WDR86: variants seen among roughly 807,000 people sequenced by gnomAD.
The protein encoded by WDR86 is WD repeat domain 86, also known as WD repeat-containing protein 86.
A neutral mutation model predicts 36.5 loss-of-function variants in WDR86; 30 were observed. The observed-to-expected ratio is 0.82, with a 90% CI of 0.61 to 1.11. WDR86 has a LOEUF of 1.11. Ranked by LOEUF, WDR86 falls within the 50% of genes most tolerant of loss-of-function variation. The probability of loss-of-function intolerance (pLI) is 0.00; values close to 1 mark genes in which losing one functional copy is unlikely to be tolerated. For synonymous variants in WDR86, 255 were observed against 252.9 expected, an observed-to-expected ratio of 1.01 and a Z score of -0.08; for missense variants, 545 against 561.2, an observed-to-expected ratio of 0.97 and a Z score of 0.29.
intron 3 of WDR86, among the ~76,000 whole-genome samples, chr7:151,386,528 T>A (rs1356146508): frequency 6.6e-6 from 1 of 152,158 alleles, no homozygotes; most frequent in East Asian, 1.9e-4. Context: ...CCTAACTGGA[T>A]GGTCCCCTCC....
downstream of WDR86, among the ~76,000 whole-genome samples, chr7:151,375,010 T>C (rs576691695): frequency 6.8e-3 from 607 of 89,332 alleles, 7 homozygotes; most frequent in African/African-American, 0.024. Flanking sequence ...GTTGTGCACG[T>C]GCTGGGGGCG....
intron 3 of WDR86, among the ~76,000 whole-genome samples, chr7:151,393,543 C>G (rs554851579): frequency 5.9e-5 from 9 of 152,136 alleles, no homozygotes; most frequent in Non-Finnish European, 1.2e-4. Flanking sequence ...TGGCCAGTGG[C>G]CTTTCTATGC....
intron 1 of WDR86, among the ~76,000 whole-genome samples, chr7:151,402,070 A>AAAAAAAATATATATATATAT: frequency 2.0e-4 from 10 of 50,514 alleles, no homozygotes; most frequent in African/African-American, 3.5e-4. Flanking sequence ...AAAAAAAAAA[A>AAAAAAAATATATATATATAT]ATATATATAT....
At chr7:151,391,831 C>A (rs1231007757) in intron 3 of WDR86, among the ~76,000 whole-genome samples, 3 of 149,456 alleles carry the variant, frequency 2.0e-5, no homozygotes, top group Non-Finnish European at 4.5e-5. Flanking sequence ...CAGGGGTGCG[C>A]CTCCTCCCCA....
intron 3 of WDR86, among the ~76,000 whole-genome samples, chr7:151,387,190 C>A (rs1385860719): frequency 6.6e-6 from 1 of 152,176 alleles, no homozygotes; most frequent in African/African-American, 2.4e-5. Context: ...AAGGACTGGC[C>A]AGCTTTGCAG....
Position 151,396,156 on chromosome 7 carries a change from C to A in WDR86, c.346G>T (p.Asp116Tyr). The A allele has an allele frequency of 6.2e-7, 1 of 1,612,958 alleles. No individual in the cohort carries two copies. Among genetic ancestry groups the A allele is most frequent in the South Asian group, 1.1e-5 (1 of 91,066 alleles). ...ANNQLFSSSY[D>Y]RTARVWSVDK... ...ACACTCCAGACCCGAGCTGTCCGGT[C>A]ATAGGAGCTGCTGAAGAGCTGGTTG... The change falls in exon 3 of 6, where the codon GAC becomes TAC. Residue 116 changes from aspartate (D) to tyrosine (Y), a missense_variant. Physicochemically the swap from Asp to Tyr is radical, Grantham distance 160. Coordinates refer to ENST00000334493, the MANE Select transcript of WDR86 (RefSeq NM_198285.3).
rs748980098 is a variant in WDR86, at chr7:151,409,951, T to C, written c.-362A>G. 93 of 1,034,930 alleles carry C rather than the reference T, an allele frequency of 9.0e-5. No individual in the cohort carries two copies. The highest frequency in any genetic ancestry group is 1.0e-4 in the Non-Finnish European group (88 of 863,052). 64.1% of individuals were successfully genotyped at this position (1,034,930 alleles called of 1,614,324 possible). A position where few individuals can be genotyped will look rare whatever the true frequency, so the allele number is the denominator to read the frequency against. On this transcript the variant is annotated 5_prime_UTR_variant, in exon 1 of 6. Transcript: ENST00000334493. This position sits in a 1 kb window ranked among gnomAD's most constrained non-coding sequence, Gnocchi z 5.2. ...GGTGCACAAGGAGCCCCCCGCCTCCTCTCGCGCCCACGGGGCTGGGGCGGG... is the reference window on the plus strand; with the variant it reads ...GGTGCACAAGGAGCCCCCCGCCTCCCCTCGCGCCCACGGGGCTGGGGCGGG...
At chr7:151,369,726 G>A in the WDR86 span, among the ~76,000 whole-genome samples, 10 of 152,324 alleles carry the variant, frequency 6.6e-5, no homozygotes, top group African/African-American at 2.2e-4. Context: ...GCCAAAACAA[G>A]AAGTTGGTAC....
chr7:151,374,393 GC>G, downstream of WDR86: 1 of 1,080,340 alleles, frequency 9.3e-7, no homozygotes, highest in Non-Finnish European at 1.4e-6. Flanking sequence ...CTGGGCTCCA[GC>G]CCAGACACAG....
rs1023303558 is a variant in WDR86 at position 151,392,246 on chromosome 7, C to T, written c.726+3530G>A. ...CCCAGGCCTGGGTCATGTCCCTTCT[C>T]TCTTGCCCACATGCCCCCATCCAGC... On this transcript the variant is annotated intron_variant, in intron 3 of 5. Coordinates refer to ENST00000334493, the MANE Select transcript of WDR86 (RefSeq NM_198285.3). Among the ~76,000 whole-genome samples the T allele has an allele frequency of 6.2e-4, 95 of 152,234 alleles. 1 individual carries two copies. Among genetic ancestry groups the T allele is most frequent in the Non-Finnish European group, 1.2e-3 (81 of 67,980 alleles).
At chr7:151,383,568 T>C (rs1798762843) in intron 4 of WDR86, among the ~76,000 whole-genome samples, 1 of 152,104 alleles carries the variant, frequency 6.6e-6, no homozygotes, top group African/African-American at 2.4e-5. Context: ...CCTCCCGCCT[T>C]GGCTTCCCAA....
rs148665587 is a variant in WDR86 at position 151,390,240 on chromosome 7, A to G, written c.727-5017T>C. Reference sequence around the variant, plus strand: ...TGAAAAGTCCCTGGTTCAGCCCTCAACGACAGAGCTCTCCCCGTGAAAACA... The same window carrying G: ...TGAAAAGTCCCTGGTTCAGCCCTCAGCGACAGAGCTCTCCCCGTGAAAACA... On this transcript the variant is annotated intron_variant, in intron 3 of 5. Transcript: ENST00000334493. This position sits in a 1 kb window ranked among gnomAD's most constrained non-coding sequence, Gnocchi z 4.5. Among the ~76,000 whole-genome samples, 608 of 152,296 alleles carry G rather than the reference A, an allele frequency of 4.0e-3. 3 individuals carry two copies. Among genetic ancestry groups the G allele is most frequent in the African/African-American group, 0.014 (585 of 41,568 alleles).
Position 151,409,415 on chromosome 7 carries a change from G to A in WDR86, c.163+12C>T, listed in dbSNP as rs1274723125. The A allele has an allele frequency of 7.1e-6, 11 of 1,555,730 alleles. No individual in the cohort carries two copies. In the East Asian group the frequency reaches 1.2e-4, roughly 17 times the overall value. ...GCGGCGAAGAGGTCAGGGAGGGAGTGGGAGGGTCTACCTTGCAGGAGCGCG... is the reference window on the plus strand; with the variant it reads ...GCGGCGAAGAGGTCAGGGAGGGAGTAGGAGGGTCTACCTTGCAGGAGCGCG... On this transcript the variant is annotated intron_variant, in intron 1 of 5. Transcript: ENST00000334493. The surrounding 1 kb of genome is among the most constrained non-coding windows in gnomAD (Gnocchi z 5.2).
chr7:151,396,016 G>C lies in WDR86; in HGVS notation c.486C>G (p.Ala162=). 1 of 1,604,090 alleles carries C rather than the reference G, an allele frequency of 6.2e-7. No homozygotes were observed. The highest frequency in any genetic ancestry group is 8.5e-7 in the Non-Finnish European group (1 of 1,175,568). The change falls in exon 3 of 6, where the codon GCC becomes GCG. Residue 162 remains alanine (A), a synonymous_variant. Transcript: ENST00000334493. ...PSTPCAEEAA[A]GGLLVTGSTD... is the part of the protein sequence containing the mutation. Reference sequence around the variant, plus strand: ...TGCTGCCGGTCACCAGAAGCCCCCCGGCCGCGGCCTCCTCCGCGCAGGGAG... The same window carrying C: ...TGCTGCCGGTCACCAGAAGCCCCCCCGCCGCGGCCTCCTCCGCGCAGGGAG...
At chr7:151,400,663 G>A (rs147942190) in intron 1 of WDR86, among the ~76,000 whole-genome samples, 33 of 152,332 alleles carry the variant, frequency 2.2e-4, no homozygotes, top group African/African-American at 6.7e-4. Flanking sequence ...AATTACAGGC[G>A]TGAGCCACTG....
At chr7:151,374,169 G>T, downstream of WDR86, 1 of 1,576,904 alleles carries the variant, frequency 6.3e-7, no homozygotes, top group East Asian at 2.4e-5. Context: ...GTTTCTGAAA[G>T]GGATGGGCTA....
Position 151,385,170 on chromosome 7 carries a change from C to T in WDR86, c.780G>A (p.Trp260Ter), listed in dbSNP as rs942342583. 6.2e-7 allele frequency: 1 copy of T among 1,613,030 alleles called. No individual in the cohort carries two copies. Among genetic ancestry groups the T allele is most frequent in the Admixed American group, 1.7e-5 (1 of 60,010 alleles). ...GCACACACTCCCCTGTGTCTGCCAG[C>T]CAGCACTTGACGGTCCTGTCCGCGC... The part of the protein sequence containing the change: ...SGSADRTVKC[W>*]LADTGECVRT... Residue 260 changes from tryptophan to a stop codon, truncating the protein, a stop_gained, in exon 4 of 6, where the codon TGG becomes TGA. Coordinates refer to ENST00000334493, the MANE Select transcript of WDR86 (RefSeq NM_198285.3). LOFTEE classifies it high-confidence loss of function.
At chr7:151,382,270 C>G (rs757599) in intron 4 of WDR86, among the ~76,000 whole-genome samples, 112,614 of 152,182 alleles carry the variant, frequency 0.74, 41,941 homozygotes, top group East Asian at 0.98. Flanking sequence ...TCCGTGCCTG[C>G]TTGGGAAGCC....
chr7:151,390,878 G>A lies in WDR86; in HGVS notation c.726+4898C>T, dbSNP rs539196891. On this transcript the variant is annotated intron_variant, in intron 3 of 5. Transcript: ENST00000334493. This position sits in a 1 kb window ranked among gnomAD's most constrained non-coding sequence, Gnocchi z 4.5. ...ACAAAGCAGAAGGGCGGGTGCCCGG[G>A]GCATGGAAGAGCAGCGGGGAGTCAG... Among the ~76,000 whole-genome samples the A allele has an allele frequency of 7.9e-5, 12 of 152,380 alleles. No homozygotes were observed. Among genetic ancestry groups the A allele is most frequent in the Middle Eastern group, 3.4e-3 (1 of 294 alleles).
Sources: allele counts gnomAD v4.1 joint callset (sites outside exome capture counted in the v4.1 genomes callset), GRCh38; gene constraint gnomAD v4.1.1; non-coding constraint Gnocchi (gnomAD v3.1); transcripts MANE v1.5; gene names NCBI Gene and HGNC (gene_info 2026-07-23, HGNC 2026-07-21).